The following PIR variants were observed in gnomAD, a reference collection of about 807,000 sequenced individuals.
PIR encodes the protein pirin.
Under a neutral mutation model 24.2 loss-of-function variants are expected in PIR, and 22 were observed. The ratio of observed to expected loss-of-function variants is 0.91; its 90% CI spans 0.65 to 1.30. The LOEUF is 1.30. PIR is among the 50% of genes most tolerant of loss of function. The pLI is 0.00. For synonymous variants in PIR, 80 were observed against 79.6 expected, an observed-to-expected ratio of 1.00 and a Z score of -0.03; for missense variants, 220 against 220.3, an observed-to-expected ratio of 1.00 and a Z score of 0.01.
chrX:15,401,366 C>T (rs1375375723), intron 7 of PIR, among the ~76,000 whole-genome samples: 1 of 109,715 alleles, frequency 9.1e-6, no homozygotes, highest in African/African-American at 3.5e-5. Flanking sequence ...CAAGGTAAAC[C>T]TTTCTTATAG....
intron 6 of PIR, among the ~76,000 whole-genome samples, chrX:15,423,851 G>A (rs1428945907): frequency 8.9e-6 from 1 of 112,138 alleles, no homozygotes; most frequent in African/African-American, 3.2e-5. Flanking sequence ...CCAGAGAAAT[G>A]CAAACCAAAA....
intron 6 of PIR, among the ~76,000 whole-genome samples, chrX:15,425,361 G>T (rs923216344): frequency 5.5e-5 from 6 of 108,866 alleles, no homozygotes; most frequent in Non-Finnish European, 3.8e-5. Context: ...GGCCCACAAG[G>T]TCTGGCCCTA....
chrX:15,467,391 A>C (rs1449798696), intron 3 of PIR, among the ~76,000 whole-genome samples: 1 of 112,693 alleles, frequency 8.9e-6, no homozygotes, highest in African/African-American at 3.2e-5. Context: ...GTCTCAGAGG[A>C]GAAATCCCAT....
chrX:15,390,391 C>G, intron 8 of PIR, 140 bp from the exon 9 acceptor site: 1 of 323,821 alleles, frequency 3.1e-6, no homozygotes. Flanking sequence ...ATTTTCTGTG[C>G]AACACTCAAT....
chrX:15,446,851 T>C (rs1926120093), intron 5 of PIR, among the ~76,000 whole-genome samples: 1 of 112,047 alleles, frequency 8.9e-6, no homozygotes, highest in South Asian at 3.7e-4. Flanking sequence ...AAATGTTTGC[T>C]GAACTCATCT....
At chrX:15,441,195 T>C (rs1204013398) in intron 5 of PIR, among the ~76,000 whole-genome samples, 1 of 111,914 alleles carries the variant, frequency 8.9e-6, no homozygotes, top group Non-Finnish European at 1.9e-5. Flanking sequence ...TAAAATTGGA[T>C]AAAGATGCTT....
chrX:15,487,166 G>A (rs926083162), intron 2 of PIR, among the ~76,000 whole-genome samples: 3 of 111,916 alleles, frequency 2.7e-5, no homozygotes, highest in Non-Finnish European at 5.6e-5. Context: ...GCCTTGAATG[G>A]ACTTGAGCTG....
At chrX:15,394,216 T>C (rs775313098) in intron 8 of PIR, among the ~76,000 whole-genome samples, 1 of 112,116 alleles carries the variant, frequency 8.9e-6, no homozygotes, top group East Asian at 2.8e-4. Context: ...TTTATACTTC[T>C]TGGGCCAATG....
Position 15,459,745 on chromosome X carries a change from G to GA in PIR, c.190-6dup, listed in dbSNP as rs768191426. ...CCCTTCCAGGAGGTAGGATACCTTTGAAAAACAAACAGGAAAAAAAGTAGA... is the reference window on the plus strand; with the variant it reads ...CCCTTCCAGGAGGTAGGATACCTTTGAAAAAACAAACAGGAAAAAAAGTAGA... On this transcript the variant is annotated splice_region_variant and splice_polypyrimidine_tract_variant and intron_variant, in intron 3 of 9. Coordinates refer to ENST00000380420, the MANE Select transcript of PIR (RefSeq NM_001018109.3). The GA allele has an allele frequency of 1.8e-6, 2 of 1,100,049 alleles. No individual in the cohort carries two copies. Among genetic ancestry groups the GA allele is most frequent in the African/African-American group, 3.6e-5 (2 of 55,069 alleles). The allele number at this position is 1,100,049 out of a possible 1,213,427, so 90.7% of individuals were successfully genotyped here. A position where few individuals can be genotyped will look rare whatever the true frequency, so the allele number is the denominator to read the frequency against.
chrX:15,391,757 C>T (rs1923967569), intron 8 of PIR, among the ~76,000 whole-genome samples: 1 of 111,459 alleles, frequency 9.0e-6, no homozygotes, highest in Non-Finnish European at 1.9e-5. Context: ...TTAGCTTGTC[C>T]TCATCCTCCT....
intron 6 of PIR, among the ~76,000 whole-genome samples, chrX:15,412,772 A>G (rs1417286893): frequency 8.9e-6 from 1 of 112,184 alleles, no homozygotes; most frequent in Non-Finnish European, 1.9e-5. Flanking sequence ...AACAAAGCGC[A>G]GCAGCAAACC....
chrX:15,390,085 C>A, intron 9 of PIR, 100 bp downstream of exon 9: 2 of 392,200 alleles, frequency 5.1e-6, no homozygotes, highest in South Asian at 1.0e-4. Context: ...AGAGACAGGA[C>A]AAAAAAAACC....
intron 6 of PIR, among the ~76,000 whole-genome samples, chrX:15,409,092 TC>T (rs1924640260): frequency 2.3e-5 from 2 of 86,434 alleles, no homozygotes; most frequent in Admixed American, 2.7e-4. Flanking sequence ...CTCGTTTTTC[TC>T]CCTTTTTTTT....
intron 3 of PIR, among the ~76,000 whole-genome samples, chrX:15,460,098 T>G (rs1247486695): frequency 9.0e-6 from 1 of 111,180 alleles, no homozygotes; most frequent in Non-Finnish European, 1.9e-5. Context: ...AGATAACAAG[T>G]GTTGGTGAGG....
intron 3 of PIR, among the ~76,000 whole-genome samples, chrX:15,472,845 T>A (rs2147074545): frequency 8.9e-6 from 1 of 112,689 alleles, no homozygotes; most frequent in East Asian, 2.8e-4. Flanking sequence ...TTAAACACCA[T>A]CTTCTTTGGG....
intron 3 of PIR, among the ~76,000 whole-genome samples, chrX:15,473,834 C>A (rs762792996): frequency 8.9e-6 from 1 of 112,700 alleles, no homozygotes; most frequent in African/African-American, 3.2e-5. Context: ...GGATTACAGG[C>A]GTGAGCCACC....
At chrX:15,471,329 G>T (rs182043913) in intron 3 of PIR, among the ~76,000 whole-genome samples, 16 of 112,177 alleles carry the variant, frequency 1.4e-4, no homozygotes, top group Admixed American at 1.4e-3. Flanking sequence ...ATCACCTCCA[G>T]TTGAGAACCA....
At chrX:15,486,360 C>T (rs1293366172) in intron 2 of PIR, among the ~76,000 whole-genome samples, 1 of 106,340 alleles carries the variant, frequency 9.4e-6, no homozygotes, top group African/African-American at 3.5e-5. Flanking sequence ...ATGTGGTACT[C>T]CCATAATAAA....
intron 6 of PIR, among the ~76,000 whole-genome samples, chrX:15,413,004 A>G (rs5935967): frequency 0.28 from 31,414 of 111,367 alleles, 3,971 homozygotes; most frequent in Non-Finnish European, 0.4. Flanking sequence ...GTTGTGATGA[A>G]CACAGTCTAA....
Sources: allele counts gnomAD v4.1 joint callset (sites outside exome capture counted in the v4.1 genomes callset), GRCh38; gene constraint gnomAD v4.1.1; transcripts MANE v1.5; gene names NCBI Gene and HGNC (gene_info 2026-07-23, HGNC 2026-07-21).